Variants in CEP112 observed in about 807,000 individuals in gnomAD.
CEP112 encodes centrosomal protein of 112 kDa.
In CEP112, 127 loss-of-function variants were observed where a neutral mutation model predicts 153.0. The ratio of observed to expected loss-of-function variants is 0.83; its 90% CI spans 0.72 to 0.96. CEP112 has a LOEUF of 0.96. Among genes scored for constraint, CEP112 ranks in the 40% least tolerant of loss-of-function variants. CEP112 has a pLI of 0.00. For synonymous variants in CEP112, 358 were observed against 374.4 expected, an observed-to-expected ratio of 0.96 and a Z score of 0.51; for missense variants, 1,089 against 1,101.2, an observed-to-expected ratio of 0.99 and a Z score of 0.16.
At chr17:65,858,911 C>A (rs2058211372) in intron 20 of CEP112, among the ~76,000 whole-genome samples, 1 of 152,066 alleles carries the variant, frequency 6.6e-6, no homozygotes, top group Non-Finnish European at 1.5e-5. Flanking sequence ...TTCCACTCAC[C>A]CGGACTGTCA....
intron 20 of CEP112, among the ~76,000 whole-genome samples, chr17:65,894,192 G>A (rs566493067): frequency 6.6e-6 from 1 of 152,136 alleles, no homozygotes; most frequent in South Asian, 2.1e-4. Context: ...AATAACTCAA[G>A]GCATATTTCC....
intron 21 of CEP112, among the ~76,000 whole-genome samples, chr17:65,758,133 CTAT>C (rs1183719356): frequency 6.6e-6 from 1 of 152,050 alleles, no homozygotes; most frequent in Non-Finnish European, 1.5e-5. Flanking sequence ...TGGCTCTGCT[CTAT>C]TTTTATTATT....
At chr17:65,893,896 T>C (rs578257102) in intron 20 of CEP112, among the ~76,000 whole-genome samples, 1 of 152,192 alleles carries the variant, frequency 6.6e-6, no homozygotes, top group East Asian at 1.9e-4. Context: ...TAAGCTTCAA[T>C]TTGCCAGCTC....
chr17:66,000,139 G>T (rs1481914725), intron 17 of CEP112, among the ~76,000 whole-genome samples: 1 of 151,928 alleles, frequency 6.6e-6, no homozygotes, highest in Non-Finnish European at 1.5e-5. Flanking sequence ...GGTCTTTGAG[G>T]AATTGCCACA....
At chr17:65,923,566 T>C (rs2060811023) in intron 19 of CEP112, among the ~76,000 whole-genome samples, 1 of 152,140 alleles carries the variant, frequency 6.6e-6, no homozygotes, top group African/African-American at 2.4e-5. Context: ...ATATATAATA[T>C]AAATGCTCCA....
intron 17 of CEP112, among the ~76,000 whole-genome samples, chr17:65,964,024 G>A (rs1243986708): frequency 6.6e-6 from 1 of 152,200 alleles, no homozygotes; most frequent in East Asian, 1.9e-4. Flanking sequence ...CTGCATGACA[G>A]TTAAGCCATT....
intron 4 of CEP112, among the ~76,000 whole-genome samples, chr17:66,156,191 G>A (rs2071431977): frequency 6.6e-6 from 1 of 152,174 alleles, no homozygotes; most frequent in Admixed American, 6.5e-5. Flanking sequence ...GGAAGGAACA[G>A]ACAGCAATCT....
intron 22 of CEP112, among the ~76,000 whole-genome samples, chr17:65,750,359 G>A (rs887597924): frequency 5.9e-5 from 9 of 152,166 alleles, no homozygotes; most frequent in African/African-American, 2.2e-4. Flanking sequence ...TGTGAAGTAT[G>A]TTTCAGCCTG....
At chr17:65,798,507 C>T (rs1045739580) in intron 21 of CEP112, among the ~76,000 whole-genome samples, 26 of 152,090 alleles carry the variant, frequency 1.7e-4, no homozygotes, top group African/African-American at 5.8e-4. Context: ...GACTGACTCA[C>T]GGACTAAAGT....
In CEP112 at chr17:65,848,095, TC is replaced by T. The variant is rs2057793538; in HGVS notation, c.2394+3708del. On this transcript the variant is annotated intron_variant, in intron 21 of 26. Transcript: ENST00000535342. ...CTGATTCTTCACGTCATTAAGCTGT[TC>T]CTCTCCATTAGTCCCTTTGTGTACT... Among the ~76,000 whole-genome samples the T allele has an allele frequency of 4.6e-5, 7 of 152,284 alleles. No homozygotes were observed. The South Asian group carries it at 1.4e-3, about 32-fold the overall frequency.
intron 18 of CEP112, among the ~76,000 whole-genome samples, chr17:65,960,983 AC>A (rs1306779695): frequency 6.7e-6 from 1 of 150,114 alleles, no homozygotes; most frequent in Non-Finnish European, 1.5e-5. Flanking sequence ...TTATTCTTTT[AC>A]AAATTTTGTA....
At chr17:65,959,389 C>T (rs776232201) in intron 18 of CEP112, among the ~76,000 whole-genome samples, 7 of 152,218 alleles carry the variant, frequency 4.6e-5, no homozygotes, top group Non-Finnish European at 8.8e-5. Context: ...CTTTGTCTTG[C>T]TTACCCTCCA....
chr17:65,728,236 C>T (rs1007662916), intron 23 of CEP112, among the ~76,000 whole-genome samples: 7 of 152,160 alleles, frequency 4.6e-5, no homozygotes, highest in African/African-American at 1.4e-4. Context: ...TAGTCAAATG[C>T]TGCATAGAGC....
chr17:65,877,075 C>CGT (rs1268849818), intron 20 of CEP112, among the ~76,000 whole-genome samples: 1 of 152,112 alleles, frequency 6.6e-6, no homozygotes, highest in Non-Finnish European at 1.5e-5. Flanking sequence ...AAGCTCTGCA[C>CGT]GTGTGTGTGG....
At chr17:66,093,448 C>T (rs1257487526) in intron 8 of CEP112, among the ~76,000 whole-genome samples, 1 of 151,664 alleles carries the variant, frequency 6.6e-6, no homozygotes, top group Non-Finnish European at 1.5e-5. Context: ...AAAGACTCCA[C>T]CAAAATGCTG....
intron 2 of CEP112, among the ~76,000 whole-genome samples, chr17:66,178,390 T>C (rs1016305647): frequency 1.3e-5 from 2 of 152,350 alleles, no homozygotes; most frequent in African/African-American, 4.8e-5. Context: ...TTAGATCTTT[T>C]GCCCATTTTT....
At position 65,743,175 on chromosome 17, in the gene CEP112, C is replaced by T. The variant is rs763937327; in HGVS notation, c.2500G>A (p.Glu834Lys). 179 of 1,612,372 alleles carry T rather than the reference C, an allele frequency of 1.1e-4. No individual in the cohort carries two copies. The highest frequency in any genetic ancestry group is 1.5e-4 in the Non-Finnish European group (172 of 1,179,462). Residue 834 changes from glutamate (E) to lysine (K), a missense_variant, in exon 23 of 27, where the codon GAG becomes AAG. Glu to Lys is a moderately conservative substitution (Grantham distance 56). Coordinates refer to ENST00000535342, the MANE Select transcript of CEP112 (RefSeq NM_001199165.4). ...LQTTISSLKE[E>K]NSQQQLAAER... Reference sequence around the variant, plus strand: ...GCAGCAAGCTGCTGCTGGCTGTTCTCTTCTTTCAGAGAGGAAATGGTTGTC... The same window carrying T: ...GCAGCAAGCTGCTGCTGGCTGTTCTTTTCTTTCAGAGAGGAAATGGTTGTC...
intron 21 of CEP112, among the ~76,000 whole-genome samples, chr17:65,775,216 A>G (rs9972881): frequency 0.52 from 78,401 of 151,688 alleles, 21,556 homozygotes; most frequent in Non-Finnish European, 0.62. Context: ...GCCTGCCTGG[A>G]AAGACTCCAG....
intron 22 of CEP112, among the ~76,000 whole-genome samples, chr17:65,749,461 T>C (rs973146102): frequency 2.6e-5 from 4 of 151,932 alleles, no homozygotes; most frequent in African/African-American, 9.7e-5. Context: ...TGAGCCGAGA[T>C]TGCACCACTG....
Sources: allele counts gnomAD v4.1 joint callset (sites outside exome capture counted in the v4.1 genomes callset), GRCh38; gene constraint gnomAD v4.1.1; transcripts MANE v1.5; gene names NCBI Gene and HGNC (gene_info 2026-07-23, HGNC 2026-07-21).